The following REPS1 variants were observed in gnomAD, a reference collection of about 807,000 sequenced individuals.
REPS1 encodes the protein RALBP1 associated Eps domain containing 1, also known as ralBP1-associated Eps domain-containing protein 1.
Under a neutral mutation model 100.9 loss-of-function variants are expected in REPS1, and 39 were observed. The ratio of observed to expected loss-of-function variants is 0.39; its 90% confidence interval spans 0.30 to 0.50. The LOEUF (loss-of-function observed/expected upper bound fraction) is 0.50, where lower values mean the gene tolerates loss of function less well. Among genes scored for constraint, REPS1 ranks in the 20% least tolerant of loss-of-function variants. The probability of loss-of-function intolerance (pLI) is 0.86; values close to 1 mark genes in which losing one functional copy is unlikely to be tolerated. For synonymous variants in REPS1, 324 were observed against 340.3 expected (o/e 0.95, Z 0.53); for missense variants, 821 against 968.5 (o/e 0.85, Z 2.02).
At chr6:138,981,862 G>A (rs918136556) in intron 1 of REPS1, among the ~76,000 whole-genome samples, 1 of 152,074 alleles carries the variant, frequency 6.6e-6, no homozygotes, top group Non-Finnish European at 1.5e-5. Context: ...TGTTTGGCAC[G>A]AATTCCCAAT....
intron 17 of REPS1, 127 bp downstream of exon 17, chr6:138,911,149 G>T: frequency 1.5e-6 from 1 of 645,558 alleles, no homozygotes. Flanking sequence ...TTCTGAGCTA[G>T]ACTGACTATA....
chr6:138,925,659 TA>T (rs5880412), intron 10 of REPS1, among the ~76,000 whole-genome samples: 52,771 of 137,722 alleles, frequency 0.38, 10,996 homozygotes, highest in Admixed American at 0.52. Context: ...ATCCTTGTCT[TA>T]AAAAAAAAAA....
chr6:138,926,657 T>C lies in REPS1; in HGVS notation c.1258-176A>G, dbSNP rs895985260. 3 of 573,416 alleles carry C rather than the reference T, an allele frequency of 5.2e-6. No homozygotes were observed. The East Asian group carries it at 9.0e-5, about 17-fold the overall frequency. 35.5% of individuals were successfully genotyped at this position (573,416 alleles called of 1,614,324 possible). A position where few individuals can be genotyped will look rare whatever the true frequency, so the allele number is the denominator to read the frequency against. On this transcript the variant is annotated intron_variant, in intron 9 of 19. Transcript: ENST00000450536. ...CATTTTATATTTATTCTGGGTCACT[T>C]GTAATGTAAGGTGAGGAGTTCACAA...
intron 12 of REPS1, 32 bp from the exon 13 acceptor site, chr6:138,917,659 AATC>A: frequency 6.4e-7 from 1 of 1,559,358 alleles, no homozygotes; most frequent in Non-Finnish European, 8.8e-7. Flanking sequence ...ATTTAATAAT[AATC>A]ATTTCTTTAC....
In REPS1 at chr6:138,907,479, T is replaced by G. The variant is rs201433883; in HGVS notation, c.2322+16A>C. The G allele has an allele frequency of 6.4e-7, 1 of 1,568,896 alleles. No homozygotes were observed. Among genetic ancestry groups the G allele is most frequent in the Non-Finnish European group, 8.8e-7 (1 of 1,140,012 alleles). ...CTAAGATAAGGAACATTATAAAGAT[T>G]CAGAAACTATATTACCTTTAATTGT... On this transcript the variant is annotated intron_variant, in intron 19 of 19. Transcript: ENST00000450536.
At chr6:138,967,524 G>C (rs963485369) in intron 1 of REPS1, among the ~76,000 whole-genome samples, 31 of 152,174 alleles carry the variant, frequency 2.0e-4, no homozygotes, top group African/African-American at 6.0e-4. Flanking sequence ...GGATTTATTA[G>C]TGTCTTCCTT....
intron 14 of REPS1, among the ~76,000 whole-genome samples, chr6:138,915,586 G>A (rs1780311261): frequency 6.6e-6 from 1 of 151,518 alleles, no homozygotes; most frequent in Non-Finnish European, 1.5e-5. Context: ...CCGAGTAGCT[G>A]GGACCACAGA....
intron 8 of REPS1, chr6:138,934,185 C>T (rs1392363317): frequency 2.8e-6 from 1 of 351,268 alleles, no homozygotes; most frequent in Non-Finnish European, 6.0e-6. Flanking sequence ...GTCTTTAAGA[C>T]TGTATTTTTC....
At chr6:138,947,716 A>C in intron 2 of REPS1, 74 bp downstream of exon 2, 2 of 1,285,914 alleles carry the variant, frequency 1.6e-6, no homozygotes, top group Non-Finnish European at 2.1e-6. Flanking sequence ...GAAAGACACA[A>C]GAGTTCTATT....
chr6:138,933,629 T>C (rs1010051029), intron 8 of REPS1, among the ~76,000 whole-genome samples: 1 of 152,230 alleles, frequency 6.6e-6, no homozygotes, highest in Non-Finnish European at 1.5e-5. Context: ...CGTTGTCTTC[T>C]ATTAAGACAG....
At chr6:138,923,899 T>C (rs909975241) in intron 10 of REPS1, among the ~76,000 whole-genome samples, 1 of 151,446 alleles carries the variant, frequency 6.6e-6, no homozygotes. Flanking sequence ...AATGTTAAAT[T>C]CATAATAGAA....
chr6:138,934,292 T>C (rs1220552876), intron 8 of REPS1: 1 of 470,214 alleles, frequency 2.1e-6, no homozygotes, highest in Non-Finnish European at 4.4e-6. Context: ...TCCTGTGGGT[T>C]CTGCTCTGCC....
At chr6:138,962,120 T>G (rs1350964296) in intron 1 of REPS1, among the ~76,000 whole-genome samples, 1 of 152,156 alleles carries the variant, frequency 6.6e-6, no homozygotes, top group Admixed American at 6.5e-5. Flanking sequence ...GACCACCTAC[T>G]TGCATCTTCT....
intron 1 of REPS1, among the ~76,000 whole-genome samples, chr6:138,974,555 T>G (rs1050788761): frequency 2.0e-5 from 3 of 152,208 alleles, no homozygotes; most frequent in Non-Finnish European, 4.4e-5. Context: ...AAGGTGCCTT[T>G]GGGTTTAATA....
Position 138,987,845 on chromosome 6 carries a change from C to T in REPS1, c.-163G>A. On this transcript the variant is annotated 5_prime_UTR_variant, in exon 1 of 20. Transcript: ENST00000450536. ...GCCAGGTGCGCCCGAGCAACAGGGC[C>T]CGGAGGTCGCGAGGAGGGGGCCCGG... 7.5e-6 allele frequency: 6 copies of T among 797,344 alleles called. No homozygotes were observed. The highest frequency in any genetic ancestry group is 1.0e-5 in the Non-Finnish European group (6 of 590,006). 49.4% of individuals were successfully genotyped at this position (797,344 alleles called of 1,614,324 possible).
At chr6:138,977,958 T>G (rs867249515) in intron 1 of REPS1, among the ~76,000 whole-genome samples, 11 of 152,252 alleles carry the variant, frequency 7.2e-5, no homozygotes, top group African/African-American at 2.7e-4. Flanking sequence ...TGATAGTATA[T>G]CACTGTGATT....
chr6:138,975,644 C>A (rs531473985), intron 1 of REPS1, among the ~76,000 whole-genome samples: 1 of 152,176 alleles, frequency 6.6e-6, no homozygotes, highest in Non-Finnish European at 1.5e-5. Context: ...ACCAGCCTGG[C>A]CAACATGATG....
chr6:138,954,192 A>T (rs892401707), intron 1 of REPS1, among the ~76,000 whole-genome samples: 3 of 152,104 alleles, frequency 2.0e-5, no homozygotes, highest in African/African-American at 7.2e-5. Context: ...AGACAAAGGG[A>T]GGAATAAGGA....
intron 1 of REPS1, among the ~76,000 whole-genome samples, chr6:138,984,557 C>T (rs966889780): frequency 1.3e-5 from 2 of 150,452 alleles, no homozygotes; most frequent in Non-Finnish European, 2.9e-5. Flanking sequence ...CTGCTCTCTC[C>T]CCTCTAGTTA....
Sources: gnomAD v4.1 joint callset for allele counts (sites outside exome capture counted in the v4.1 genomes callset) on GRCh38, gnomAD v4.1.1 for gene constraint, MANE v1.5 for transcripts, NCBI Gene and HGNC (gene_info 2026-07-23, HGNC 2026-07-21) for gene names.